Variants in TMPRSS11D observed in about 807,000 individuals in gnomAD.
TMPRSS11D encodes transmembrane serine protease 11D.
In TMPRSS11D, 32 loss-of-function variants were observed where a neutral mutation model predicts 44.4. The observed-to-expected ratio is 0.72, with a 90% CI of 0.54 to 0.97. The LOEUF is 0.97. Ranked by LOEUF, TMPRSS11D falls within the 50% of genes least tolerant of loss-of-function variation. The pLI is 0.00. For synonymous variants in TMPRSS11D, 179 were observed against 177.9 expected (o/e 1.01, Z -0.05); for missense variants, 446 against 502.6 (o/e 0.89, Z 1.08).
At chr4:67,834,250 A>T (rs572771039) in intron 6 of TMPRSS11D, among the ~76,000 whole-genome samples, 1 of 149,292 alleles carries the variant, frequency 6.7e-6, no homozygotes, top group African/African-American at 2.5e-5. Context: ...TAATAGCACA[A>T]CCACCTAAAG....
chr4:67,877,223 A>C (rs1392385366), intron 1 of TMPRSS11D, among the ~76,000 whole-genome samples: 1 of 152,122 alleles, frequency 6.6e-6, no homozygotes, highest in Non-Finnish European at 1.5e-5. Context: ...GTGTTGCTCC[A>C]TGCTCTGTCC....
intron 1 of TMPRSS11D, among the ~76,000 whole-genome samples, chr4:67,877,048 C>T (rs142623142): frequency 6.6e-6 from 1 of 152,240 alleles, no homozygotes; most frequent in African/African-American, 2.4e-5. Flanking sequence ...ACGGAGGAAA[C>T]AAGACTGGCT....
intron 2 of TMPRSS11D, among the ~76,000 whole-genome samples, chr4:67,858,212 G>C (rs1251378153): frequency 6.6e-6 from 1 of 152,134 alleles, no homozygotes; most frequent in African/African-American, 2.4e-5. Flanking sequence ...ACCTTGGTAA[G>C]GGGCAAGAGT....
intron 7 of TMPRSS11D, among the ~76,000 whole-genome samples, chr4:67,831,046 G>C (rs1336240133): frequency 6.6e-6 from 1 of 152,104 alleles, no homozygotes. Flanking sequence ...ATAAGGAATA[G>C]TATGAGTCTC....
At chr4:67,835,263 C>G (rs776671028) in intron 5 of TMPRSS11D, 142 bp from the exon 6 acceptor site, 36 of 681,908 alleles carry the variant, frequency 5.3e-5, no homozygotes, top group Admixed American at 5.5e-5. Context: ...ATGCAGATTC[C>G]TAGGCTTCCT....
chr4:67,883,089 G>A (rs1719360265), intron 1 of TMPRSS11D, among the ~76,000 whole-genome samples: 1 of 151,772 alleles, frequency 6.6e-6, no homozygotes, highest in African/African-American at 2.4e-5. Context: ...ACTTTTGATT[G>A]AATTTTCCAA....
chr4:67,842,409 G>T, intron 4 of TMPRSS11D, 149 bp downstream of exon 4: 1 of 696,142 alleles, frequency 1.4e-6, no homozygotes, highest in Non-Finnish European at 2.4e-6. Flanking sequence ...TGGCTTTTTT[G>T]GCATTGGTTT....
Position 67,854,206 on chromosome 4 carries a change from GA to G in TMPRSS11D, c.131-21del. The G allele has an allele frequency of 8.0e-7, 1 of 1,253,114 alleles. No homozygotes were observed. Among genetic ancestry groups the G allele is most frequent in the Admixed American group, 1.9e-5 (1 of 53,318 alleles). 77.6% of individuals were successfully genotyped at this position (1,253,114 alleles called of 1,614,324 possible). A position where few individuals can be genotyped will look rare whatever the true frequency, so the allele number is the denominator to read the frequency against. ...TTTGATCTGAAAAAGAAATAAAAGG[GA>G]AGGTCAGTCTTACTTTACTAAGTTG... On this transcript the variant is annotated intron_variant, in intron 2 of 9. Coordinates refer to ENST00000283916, the MANE Select transcript of TMPRSS11D (RefSeq NM_004262.3).
intron 1 of TMPRSS11D, among the ~76,000 whole-genome samples, chr4:67,881,754 C>T (rs1719325173): frequency 6.6e-6 from 1 of 152,116 alleles, no homozygotes; most frequent in Non-Finnish European, 1.5e-5. Context: ...TTGTCTTTGG[C>T]ATGTCTCTGC....
intron 2 of TMPRSS11D, among the ~76,000 whole-genome samples, chr4:67,856,706 T>C (rs1461065709): frequency 1.3e-5 from 2 of 152,018 alleles, no homozygotes; most frequent in East Asian, 1.9e-4. Flanking sequence ...ACCTATTGAA[T>C]GGGAAAAAAC....
At chr4:67,872,160 AAAACAAG>A (rs897160890) in intron 1 of TMPRSS11D, among the ~76,000 whole-genome samples, 5 of 152,202 alleles carry the variant, frequency 3.3e-5, no homozygotes, top group African/African-American at 1.2e-4. Context: ...TACTAGTTTC[AAAACAAG>A]AAACAACTAC....
Position 67,883,915 on chromosome 4 carries a change from A to G in TMPRSS11D, c.8+11T>C, listed in dbSNP as rs1391824610. 6.3e-7 allele frequency: 1 copy of G among 1,599,146 alleles called. No homozygotes were observed. The highest frequency in any genetic ancestry group is 1.7e-5 in the Admixed American group (1 of 57,678). On this transcript the variant is annotated intron_variant, in intron 1 of 9. Transcript: ENST00000283916. The stretch of plus-strand genomic sequence containing the variant: ...AACTTTTAAAGCTACAAAGACAAAA[A>G]CAGGACTTACCTATACATTTTAATC...
intron 4 of TMPRSS11D, among the ~76,000 whole-genome samples, chr4:67,839,744 C>T (rs1443666031): frequency 6.6e-6 from 1 of 151,934 alleles, no homozygotes; most frequent in East Asian, 1.9e-4. Flanking sequence ...AGAAGTATCA[C>T]CTGAAAATTC....
intron 1 of TMPRSS11D, among the ~76,000 whole-genome samples, chr4:67,882,946 T>C (rs1161151953): frequency 3.3e-5 from 5 of 151,998 alleles, no homozygotes; most frequent in African/African-American, 1.2e-4. Context: ...ATTTCTTGTA[T>C]CTATTACATG....
At chr4:67,880,417 G>A (rs1435324110) in intron 1 of TMPRSS11D, among the ~76,000 whole-genome samples, 1 of 152,130 alleles carries the variant, frequency 6.6e-6, no homozygotes, top group Non-Finnish European at 1.5e-5. Context: ...AGCTGGACAG[G>A]AGATATGGGT....
At chr4:67,823,266 T>C (rs1304843466) in intron 9 of TMPRSS11D, among the ~76,000 whole-genome samples, 1 of 152,138 alleles carries the variant, frequency 6.6e-6, no homozygotes, top group Non-Finnish European at 1.5e-5. Context: ...TATATAGTCA[T>C]AAGCAAAACA....
chr4:67,822,110 T>C lies in TMPRSS11D; in HGVS notation c.*227A>G. On this transcript the variant is annotated 3_prime_UTR_variant, in exon 10 of 10. Coordinates refer to ENST00000283916, the MANE Select transcript of TMPRSS11D (RefSeq NM_004262.3). ...TTTGTAATTAGTTTAGTGTGTTTCTTCTGTTACACAGCCACAGTACTATGC... is the reference window on the plus strand; with the variant it reads ...TTTGTAATTAGTTTAGTGTGTTTCTCCTGTTACACAGCCACAGTACTATGC... 1 of 461,992 alleles carries C rather than the reference T, an allele frequency of 2.2e-6. No individual in the cohort carries two copies. The highest frequency in any genetic ancestry group is 3.8e-6 in the Non-Finnish European group (1 of 261,156). The allele number at this position is 461,992 out of a possible 1,614,324, so 28.6% of individuals were successfully genotyped here. A position where few individuals can be genotyped will look rare whatever the true frequency, so the allele number is the denominator to read the frequency against.
In TMPRSS11D at chr4:67,821,689, G is replaced by A. The variant is rs1207611225; in HGVS notation, c.*648C>T. 6.6e-6 allele frequency: 1 copy of A among 151,986 alleles called. No homozygotes were observed. The highest frequency in any genetic ancestry group is 1.5e-5 in the Non-Finnish European group (1 of 67,992). The allele number at this position is 151,986 out of a possible 1,614,324, so 9.4% of individuals were successfully genotyped here. On this transcript the variant is annotated 3_prime_UTR_variant, in exon 10 of 10. Coordinates refer to ENST00000283916, the MANE Select transcript of TMPRSS11D (RefSeq NM_004262.3). ...ATTCTTTGGGTCTCAGTTGAGGAGT[G>A]AACTATTTTAGCTTTTGCCTTAAAT... is the stretch of plus-strand genomic sequence containing the variant.
chr4:67,821,766 T>C lies in TMPRSS11D; in HGVS notation c.*571A>G, dbSNP rs2109651939. The C allele has an allele frequency of 6.6e-6, 1 of 152,236 alleles. No homozygotes were observed. The highest frequency in any genetic ancestry group is 2.1e-4 in the South Asian group (1 of 4,822). The allele number at this position is 152,236 out of a possible 1,614,324, so 9.4% of individuals were successfully genotyped here. A position where few individuals can be genotyped will look rare whatever the true frequency, so the allele number is the denominator to read the frequency against. On this transcript the variant is annotated 3_prime_UTR_variant, in exon 10 of 10. Transcript: ENST00000283916. Reference sequence around the variant, plus strand: ...TGGAAGCATGTTCTTACAGAATAATTAAGGTTAGGTTATACGTATAGTACA... The same window carrying C: ...TGGAAGCATGTTCTTACAGAATAATCAAGGTTAGGTTATACGTATAGTACA...
Sources: gnomAD v4.1 joint callset for allele counts (sites outside exome capture counted in the v4.1 genomes callset) on GRCh38, gnomAD v4.1.1 for gene constraint, MANE v1.5 for transcripts, NCBI Gene and HGNC (gene_info 2026-07-23, HGNC 2026-07-21) for gene names.